Variants in MYH15 observed in about 807,000 individuals in gnomAD.
MYH15 encodes myosin heavy chain 15.
A neutral mutation model predicts 240.5 loss-of-function variants in MYH15; 227 were observed. The ratio of observed to expected loss-of-function variants is 0.94; its 90% CI spans 0.85 to 1.05. The LOEUF is 1.05. Among genes scored for constraint, MYH15 ranks in the 50% least tolerant of loss-of-function variants. MYH15 has a pLI of 0.00. For synonymous variants in MYH15, 785 were observed against 796.7 expected, an observed-to-expected ratio of 0.99 and a Z score of 0.25; for missense variants, 2,217 against 2,247.5, an observed-to-expected ratio of 0.99 and a Z score of 0.27.
At chr3:108,534,728 T>A in the MYH15 span, among the ~76,000 whole-genome samples, 2 of 143,762 alleles carry the variant, frequency 1.4e-5, no homozygotes, top group Non-Finnish European at 3.1e-5. Flanking sequence ...TTTTTTTTTT[T>A]AGATTAGCTG....
At chr3:108,501,641 C>A (rs1202730789) in intron 3 of MYH15, 71 bp downstream of exon 3, 1 of 1,581,258 alleles carries the variant, frequency 6.3e-7, no homozygotes, top group African/African-American at 1.3e-5. Flanking sequence ...TGTAAGAGAT[C>A]ACCCAGGAGA....
At chr3:108,404,081 A>C (rs1361194108) in intron 33 of MYH15, among the ~76,000 whole-genome samples, 1 of 151,846 alleles carries the variant, frequency 6.6e-6, no homozygotes, top group Non-Finnish European at 1.5e-5. Flanking sequence ...TTTGCCCTTC[A>C]TCAAAAAAAT....
intron 1 of MYH15, among the ~76,000 whole-genome samples, chr3:108,508,005 C>T (rs912166489): frequency 6.6e-6 from 1 of 152,150 alleles, no homozygotes; most frequent in African/African-American, 2.4e-5. Flanking sequence ...CTCTCTTTCT[C>T]TTTCTTTTTA....
chr3:108,497,577 GT>G (rs1451468171), intron 6 of MYH15, among the ~76,000 whole-genome samples: 1 of 152,064 alleles, frequency 6.6e-6, no homozygotes, highest in African/African-American at 2.4e-5. Flanking sequence ...TTTTCTGAAT[GT>G]GGTATGTGAT....
chr3:108,437,247 C>A (rs1447398503), intron 25 of MYH15, among the ~76,000 whole-genome samples: 1 of 146,550 alleles, frequency 6.8e-6, no homozygotes, highest in Non-Finnish European at 1.5e-5. Flanking sequence ...AGAAGAGTGT[C>A]ATTTTTATTT....
At chr3:108,388,893 C>G in intron 38 of MYH15, 77 bp downstream of exon 38, 1 of 1,264,712 alleles carries the variant, frequency 7.9e-7, no homozygotes, top group Non-Finnish European at 1.1e-6. Context: ...TCCCAGAAGG[C>G]CATTTCAGGC....
chr3:108,411,788 G>T (rs1297826372), intron 30 of MYH15, among the ~76,000 whole-genome samples: 1 of 152,144 alleles, frequency 6.6e-6, no homozygotes. Context: ...AGAAAAAAAG[G>T]TTCTCCGGAA....
At chr3:108,396,736 A>G (rs1044465988) in intron 35 of MYH15, among the ~76,000 whole-genome samples, 2 of 152,200 alleles carry the variant, frequency 1.3e-5, no homozygotes, top group Non-Finnish European at 2.9e-5. Context: ...ATTATCTATA[A>G]CCTACAGACT....
intron 15 of MYH15, 22 bp downstream of exon 15, chr3:108,464,616 C>G (rs778441242): frequency 1.3e-6 from 2 of 1,574,124 alleles, no homozygotes; most frequent in South Asian, 1.2e-5. Flanking sequence ...AATTCAAGAC[C>G]GGGGGTCCAG....
At chr3:108,484,623 C>T (rs1371122354) in intron 11 of MYH15, among the ~76,000 whole-genome samples, 4 of 152,002 alleles carry the variant, frequency 2.6e-5, no homozygotes, top group Admixed American at 1.3e-4. Context: ...GGATTATAGG[C>T]GTGCGCAACC....
intron 26 of MYH15, among the ~76,000 whole-genome samples, chr3:108,429,667 A>G (rs1214875077): frequency 6.6e-6 from 1 of 152,230 alleles, no homozygotes; most frequent in Non-Finnish European, 1.5e-5. Flanking sequence ...ATAGATTAGG[A>G]TAGGGGAGAA....
chr3:108,475,648 C>A (rs2107590166), intron 12 of MYH15, among the ~76,000 whole-genome samples: 1 of 152,310 alleles, frequency 6.6e-6, no homozygotes, highest in South Asian at 2.1e-4. Flanking sequence ...AGGCTGTATA[C>A]TCTGTATTGC....
chr3:108,393,500 ACAT>A (rs2082436618), intron 36 of MYH15, among the ~76,000 whole-genome samples: 2 of 152,238 alleles, frequency 1.3e-5, no homozygotes, highest in African/African-American at 4.8e-5. Flanking sequence ...TCTGAGCTCA[ACAT>A]CATTTAGGAA....
Position 108,381,173 on chromosome 3 carries a change from C to A in MYH15, c.*372G>T, listed in dbSNP as rs1355668224. The A allele has an allele frequency of 2.1e-5, 5 of 243,734 alleles. No individual in the cohort carries two copies. Among genetic ancestry groups the A allele is most frequent in the Non-Finnish European group, 3.2e-5 (4 of 125,862 alleles). 15.1% of individuals were successfully genotyped at this position (243,734 alleles called of 1,614,324 possible). On this transcript the variant is annotated 3_prime_UTR_variant, in exon 41 of 41. Coordinates refer to ENST00000693548, the MANE Select transcript of MYH15 (RefSeq NM_014981.3). The stretch of plus-strand genomic sequence containing the variant: ...AGTAAAAACCATTCACCAACATGCC[C>A]TAGTCCCCATGAAGCGTGACTGGTC...
At chr3:108,501,997 C>G (rs73850505) in intron 2 of MYH15, 142 bp from the exon 3 acceptor site, 16 of 863,616 alleles carry the variant, frequency 1.9e-5, no homozygotes, top group South Asian at 3.5e-5. Flanking sequence ...ATTAAGCCAG[C>G]CTTCATGGAA....
chr3:108,525,806 A>G (rs1468452236), intron 1 of MYH15, among the ~76,000 whole-genome samples: 1 of 152,130 alleles, frequency 6.6e-6, no homozygotes, highest in Non-Finnish European at 1.5e-5. Context: ...CGAGCAATAA[A>G]TTTCAAAATA....
In MYH15 at chr3:108,501,804, C is replaced by T. The variant is rs1331326244; in HGVS notation, c.247G>A (p.Glu83Lys). ...KIQQMNPPEF[E>K]MIEDMAMLTH... ...AGCATTGCCATGTCTTCAATCATTT[C>T]AAACTCTGGAGGATTCATCTGCTGG... Residue 83 changes from glutamate to lysine, a missense_variant, in exon 3 of 41, where the codon GAA (glutamate) becomes AAA (lysine). Coordinates refer to ENST00000693548, the MANE Select transcript of MYH15 (RefSeq NM_014981.3). The T allele has an allele frequency of 1.2e-6, 2 of 1,614,006 alleles. No homozygotes were observed. Among genetic ancestry groups the T allele is most frequent in the Non-Finnish European group, 1.7e-6 (2 of 1,179,984 alleles).
chr3:108,478,541 G>C (rs943258761), intron 11 of MYH15, among the ~76,000 whole-genome samples: 1 of 152,090 alleles, frequency 6.6e-6, no homozygotes, highest in Non-Finnish European at 1.5e-5. Flanking sequence ...TTTTTGAACT[G>C]AAAGAGACTT....
At position 108,386,740 on chromosome 3, in the gene MYH15, T is replaced by C. The variant is rs148475845; in HGVS notation, c.5536-1958A>G. 3.3e-3 allele frequency among the ~76,000 whole-genome samples: 502 copies of C among 152,118 alleles called. 3 individuals carry two copies. The highest frequency in any genetic ancestry group is 0.012 in the African/African-American group (479 of 41,518). On this transcript the variant is annotated intron_variant, in intron 38 of 40. Coordinates refer to ENST00000693548, the MANE Select transcript of MYH15 (RefSeq NM_014981.3). The stretch of plus-strand genomic sequence containing the variant: ...TGTACATCTAACTCTATCCTGGCAT[T>C]TGGTTCCTAGAGAACCCTCTCAACA...
Sources: allele counts gnomAD v4.1 joint callset (sites outside exome capture counted in the v4.1 genomes callset), GRCh38; gene constraint gnomAD v4.1.1; transcripts MANE v1.5; gene names NCBI Gene and HGNC (gene_info 2026-07-23, HGNC 2026-07-21).